The following ATRNL1 variants were observed in gnomAD, a reference collection of about 807,000 sequenced individuals.
The protein encoded by ATRNL1 is attractin-like protein 1.
ATRNL1 carries 95 observed loss-of-function variants against 182.7 expected under a neutral mutation model. The ratio of observed to expected loss-of-function variants is 0.52; its 90% CI spans 0.44 to 0.62. The LOEUF (loss-of-function observed/expected upper bound fraction) is 0.62, where lower values mean the gene tolerates loss of function less well. Ranked by LOEUF, ATRNL1 falls within the 20% of genes least tolerant of loss-of-function variation. The pLI, the probability that ATRNL1 is intolerant of heterozygous loss-of-function variation, is 0.00. For synonymous variants in ATRNL1, 576 were observed against 568.3 expected (o/e 1.01, Z -0.19); for missense variants, 1,471 against 1,679.5 (o/e 0.88, Z 2.17).
intron 20 of ATRNL1, among the ~76,000 whole-genome samples, chr10:115,405,414 T>G (rs1425850362): frequency 6.6e-6 from 1 of 152,242 alleles, no homozygotes; most frequent in Admixed American, 6.5e-5. Flanking sequence ...TTGTATAGTT[T>G]AGCACTTCTG....
intron 19 of ATRNL1, among the ~76,000 whole-genome samples, chr10:115,382,825 T>G (rs1232739713): frequency 6.6e-6 from 1 of 151,972 alleles, no homozygotes; most frequent in East Asian, 1.9e-4. Context: ...TTTTTTACTG[T>G]TAAACATGTT....
intron 28 of ATRNL1, among the ~76,000 whole-genome samples, chr10:115,910,218 A>G (rs1463055945): frequency 6.6e-6 from 1 of 152,214 alleles, no homozygotes; most frequent in Non-Finnish European, 1.5e-5. Context: ...GAAAGCCACA[A>G]GGTCAGAGGA....
At chr10:115,325,990 C>T (rs1443292130) in intron 18 of ATRNL1, among the ~76,000 whole-genome samples, 2 of 151,800 alleles carry the variant, frequency 1.3e-5, no homozygotes, top group African/African-American at 4.8e-5. Context: ...TAAGTCTTTA[C>T]ATGTAGTGGG....
At chr10:115,779,502 C>T (rs1002761038) in intron 27 of ATRNL1, among the ~76,000 whole-genome samples, 1 of 152,200 alleles carries the variant, frequency 6.6e-6, no homozygotes, top group East Asian at 1.9e-4. Context: ...AAACAATACT[C>T]AATGTGCACA....
At chr10:115,795,497 G>A (rs1200395552) in intron 27 of ATRNL1, among the ~76,000 whole-genome samples, 8 of 151,980 alleles carry the variant, frequency 5.3e-5, no homozygotes, top group African/African-American at 1.2e-4. Context: ...GTATTAGTCC[G>A]TTCTCACACT....
At chr10:115,261,309 A>T (rs1239530854) in intron 10 of ATRNL1, among the ~76,000 whole-genome samples, 2 of 152,170 alleles carry the variant, frequency 1.3e-5, no homozygotes, top group Admixed American at 1.3e-4. Flanking sequence ...ATATACCTCC[A>T]ATGTACACTT....
chr10:115,539,566 G>A (rs1852233399), intron 25 of ATRNL1, among the ~76,000 whole-genome samples: 1 of 152,162 alleles, frequency 6.6e-6, no homozygotes, highest in Admixed American at 6.5e-5. Context: ...ACTATAGTTT[G>A]GACAGGGTAA....
chr10:115,214,409 T>C (rs10787555), intron 8 of ATRNL1, among the ~76,000 whole-genome samples: 33,445 of 151,880 alleles, frequency 0.22, 4,705 homozygotes, highest in Non-Finnish European at 0.31. Context: ...ACCTCCAAAA[T>C]GTAATGCCTG....
At chr10:115,463,903 T>C (rs1847931790) in intron 22 of ATRNL1, among the ~76,000 whole-genome samples, 1 of 152,020 alleles carries the variant, frequency 6.6e-6, no homozygotes, top group South Asian at 2.1e-4. Context: ...TCTAAGAAAT[T>C]TGATGTAAGA....
intron 21 of ATRNL1, among the ~76,000 whole-genome samples, chr10:115,438,787 T>C (rs1255354471): frequency 6.6e-6 from 1 of 152,000 alleles, no homozygotes; most frequent in Non-Finnish European, 1.5e-5. Context: ...GATTATCTTG[T>C]ATGTTTTTGT....
At chr10:115,408,255 G>C (rs896779992) in intron 20 of ATRNL1, among the ~76,000 whole-genome samples, 44 of 151,118 alleles carry the variant, frequency 2.9e-4, no homozygotes, top group Middle Eastern at 6.8e-3. Context: ...CACCCGCCTC[G>C]GCCTCCCAAA....
At chr10:115,376,164 C>T (rs557613993) in intron 19 of ATRNL1, among the ~76,000 whole-genome samples, 1 of 151,860 alleles carries the variant, frequency 6.6e-6, no homozygotes, top group African/African-American at 2.4e-5. Context: ...CTTCTTCCTC[C>T]TGTTTTATAA....
intron 2 of ATRNL1, 52 bp downstream of exon 2, chr10:115,120,320 G>C: frequency 1.0e-6 from 1 of 957,824 alleles, no homozygotes; most frequent in Non-Finnish European, 1.6e-6. Flanking sequence ...AAATGATAAA[G>C]GTGATCATAT....
chr10:115,700,321 T>C (rs1257564532), intron 26 of ATRNL1, among the ~76,000 whole-genome samples: 1 of 152,160 alleles, frequency 6.6e-6, no homozygotes, highest in Non-Finnish European at 1.5e-5. Flanking sequence ...TGTAAGTGTT[T>C]CTTTTTCTCT....
intron 7 of ATRNL1, among the ~76,000 whole-genome samples, chr10:115,168,356 A>T (rs1554884800): frequency 6.6e-6 from 1 of 152,078 alleles, no homozygotes; most frequent in Non-Finnish European, 1.5e-5. Flanking sequence ...GGGTGGACTT[A>T]CTGGGTCAAA....
intron 19 of ATRNL1, among the ~76,000 whole-genome samples, chr10:115,383,211 GA>G (rs1454389325): frequency 6.0e-5 from 9 of 151,176 alleles, no homozygotes; most frequent in Admixed American, 5.9e-4. Flanking sequence ...ATTTTCCTAG[GA>G]TAAAGCCCAC....
chr10:115,126,609 C>T (rs1284340586), intron 3 of ATRNL1, among the ~76,000 whole-genome samples: 1 of 152,062 alleles, frequency 6.6e-6, no homozygotes, highest in Admixed American at 6.5e-5. Flanking sequence ...GAGTTGATTA[C>T]TTTTTAACTT....
At chr10:115,116,520 GA>G (rs1425378860) in intron 1 of ATRNL1, among the ~76,000 whole-genome samples, 2 of 152,050 alleles carry the variant, frequency 1.3e-5, no homozygotes, top group Admixed American at 1.3e-4. Flanking sequence ...AATTTTAGAA[GA>G]ACAGTTCTAG....
intron 26 of ATRNL1, among the ~76,000 whole-genome samples, chr10:115,676,570 C>A (rs1945867800): frequency 6.6e-6 from 1 of 151,342 alleles, no homozygotes. Flanking sequence ...TTATCTACAA[C>A]TGTATCTGTA....
Sources: allele counts gnomAD v4.1 joint callset (sites outside exome capture counted in the v4.1 genomes callset), GRCh38; gene constraint gnomAD v4.1.1; transcripts MANE v1.5; gene names NCBI Gene and HGNC (gene_info 2026-07-23, HGNC 2026-07-21).